Variants in CNTNAP2 observed in about 807,000 individuals in gnomAD.
CNTNAP2 encodes contactin associated protein 2, also known as contactin-associated protein-like 2.
In CNTNAP2, 98 loss-of-function variants were observed where a neutral mutation model predicts 155.2. The observed-to-expected ratio is 0.63, with a 90% CI of 0.54 to 0.75. The LOEUF (loss-of-function observed/expected upper bound fraction) is 0.75. CNTNAP2 is among the 30% of genes least tolerant of loss of function. The pLI is 0.00. For missense variants in CNTNAP2, 1,727 were observed against 1,688.1 expected (o/e 1.02, Z -0.40); for synonymous variants, 651 against 631.2 (o/e 1.03, Z -0.47).
intron 10 of CNTNAP2, among the ~76,000 whole-genome samples, chr7:147,444,243 A>G (rs1051642732): frequency 6.6e-6 from 1 of 152,232 alleles, no homozygotes; most frequent in Admixed American, 6.5e-5. Flanking sequence ...CAACAAAGAA[A>G]AACTGTGTAA....
At chr7:146,247,064 G>A (rs1329557709) in intron 1 of CNTNAP2, among the ~76,000 whole-genome samples, 14 of 152,138 alleles carry the variant, frequency 9.2e-5, no homozygotes, top group African/African-American at 2.9e-4. Flanking sequence ...ATTTAATGTC[G>A]GGAGCAGACT....
rs139884517 is a variant in CNTNAP2 at position 146,579,797 on chromosome 7, T to G, written c.98-194474T>G. On this transcript the variant is annotated intron_variant, in intron 1 of 23. Coordinates refer to ENST00000361727, the MANE Select transcript of CNTNAP2 (RefSeq NM_014141.6). ...TAAGATGTAAGTTTTGGTGCCTCAG[T>G]GTCATATAATGTAAAGGTATTTATG... 6.6e-4 allele frequency among the ~76,000 whole-genome samples: 101 copies of G among 152,250 alleles called. 2 individuals carry two copies. The East Asian group carries it at 0.018, about 27-fold the overall frequency.
intron 1 of CNTNAP2, among the ~76,000 whole-genome samples, chr7:146,346,848 G>A (rs1040247504): frequency 6.6e-6 from 1 of 152,190 alleles, no homozygotes; most frequent in African/African-American, 2.4e-5. Flanking sequence ...ATGGATGGGG[G>A]CTGCTGCTCC....
intron 4 of CNTNAP2, among the ~76,000 whole-genome samples, chr7:147,054,587 A>G (rs1240241530): frequency 2.0e-5 from 3 of 152,180 alleles, no homozygotes; most frequent in Admixed American, 6.6e-5. Flanking sequence ...CTGCAAATAT[A>G]TATAAGTGAT....
chr7:147,650,190 A>T (rs1175516146), intron 13 of CNTNAP2, among the ~76,000 whole-genome samples: 1 of 152,100 alleles, frequency 6.6e-6, no homozygotes, highest in African/African-American at 2.4e-5. Context: ...TTTTGAAAAT[A>T]CCTCCCCTAA....
chr7:147,278,980 A>C (rs1278492115), intron 8 of CNTNAP2, among the ~76,000 whole-genome samples: 2 of 151,508 alleles, frequency 1.3e-5, no homozygotes, highest in Non-Finnish European at 3.0e-5. Flanking sequence ...AATACAGAGC[A>C]TTATACATAG....
At chr7:148,069,048 G>A (rs1299224805) in intron 15 of CNTNAP2, among the ~76,000 whole-genome samples, 1 of 152,182 alleles carries the variant, frequency 6.6e-6, no homozygotes, top group Non-Finnish European at 1.5e-5. Flanking sequence ...TTATCAGGCA[G>A]TAGGCTGAAG....
At chr7:147,291,245 C>G (rs1917601) in intron 8 of CNTNAP2, among the ~76,000 whole-genome samples, 1 of 151,818 alleles carries the variant, frequency 6.6e-6, no homozygotes, top group Non-Finnish European at 1.5e-5. Flanking sequence ...GGTGGTTTGC[C>G]GCACCTATCA....
chr7:146,259,664 C>T lies in CNTNAP2; in HGVS notation c.97+142691C>T, dbSNP rs150197202. On this transcript the variant is annotated intron_variant, in intron 1 of 23. Coordinates refer to ENST00000361727, the MANE Select transcript of CNTNAP2 (RefSeq NM_014141.6). ...TTTCTAAGCAACAAAGCATTGAAGA[C>T]GTGACCTGGCTGAGTCTGAAAGCAT... Among the ~76,000 whole-genome samples, 798 of 152,222 alleles carry T rather than the reference C, an allele frequency of 5.2e-3. 9 individuals are homozygous for T. The highest frequency in any genetic ancestry group is 0.018 in the African/African-American group (766 of 41,552).
chr7:146,558,592 A>AT lies in CNTNAP2; in HGVS notation c.98-215672dup, dbSNP rs564642261. 4.7e-3 allele frequency among the ~76,000 whole-genome samples: 714 copies of AT among 152,060 alleles called. 5 individuals are homozygous for AT. The highest frequency in any genetic ancestry group is 0.016 in the African/African-American group (655 of 41,490). ...TTTTTATTTATTTATTATTATTATG[A>AT]TTTTTTTGGGGGGGAAATAAGAACA... On this transcript the variant is annotated intron_variant, in intron 1 of 23. Coordinates refer to ENST00000361727, the MANE Select transcript of CNTNAP2 (RefSeq NM_014141.6).
At chr7:146,341,453 G>A (rs571549857) in intron 1 of CNTNAP2, among the ~76,000 whole-genome samples, 1 of 152,128 alleles carries the variant, frequency 6.6e-6, no homozygotes, top group East Asian at 1.9e-4. Flanking sequence ...ACATATTTTA[G>A]CATAGATGAC....
chr7:148,046,102 G>A (rs566312732), intron 15 of CNTNAP2, among the ~76,000 whole-genome samples: 2 of 152,070 alleles, frequency 1.3e-5, no homozygotes, highest in South Asian at 4.2e-4. Context: ...TTTGTTTGAG[G>A]CAGGGTCTCA....
chr7:146,246,172 G>A (rs1413205311), intron 1 of CNTNAP2, among the ~76,000 whole-genome samples: 1 of 151,608 alleles, frequency 6.6e-6, no homozygotes, highest in Non-Finnish European at 1.5e-5. Context: ...TTAATGAGAT[G>A]GTAAGGGGTG....
At chr7:146,680,346 G>C (rs1248110899) in intron 1 of CNTNAP2, among the ~76,000 whole-genome samples, 1 of 152,150 alleles carries the variant, frequency 6.6e-6, no homozygotes, top group Admixed American at 6.5e-5. Flanking sequence ...AAAGCTAAAA[G>C]CTGAATTCTG....
At chr7:147,735,588 T>C (rs1190612179) in intron 13 of CNTNAP2, among the ~76,000 whole-genome samples, 1 of 144,494 alleles carries the variant, frequency 6.9e-6, no homozygotes, top group Admixed American at 7.0e-5. Context: ...GATAACTTTC[T>C]GTCTTGTTGA....
chr7:147,392,635 A>T (rs1398115283), intron 9 of CNTNAP2, among the ~76,000 whole-genome samples: 1 of 151,988 alleles, frequency 6.6e-6, no homozygotes, highest in Admixed American at 6.6e-5. Context: ...GAGTTACTTC[A>T]CTTAGGATAA....
rs115075396 is a variant in CNTNAP2, at chr7:147,271,664, G to A, written c.1349-28477G>A. 7.5e-3 allele frequency among the ~76,000 whole-genome samples: 1,136 copies of A among 152,216 alleles called. 16 individuals carry two copies. Among genetic ancestry groups the A allele is most frequent in the African/African-American group, 0.026 (1,075 of 41,534 alleles). On this transcript the variant is annotated intron_variant, in intron 8 of 23. Transcript: ENST00000361727. ...GGTGGCAGGGAAAGAGGGAATGAGA[G>A]CTAAGTGAAAAGAGAAACCCCTTAT...
chr7:146,801,567 A>C (rs1802878576), intron 2 of CNTNAP2, among the ~76,000 whole-genome samples: 1 of 152,220 alleles, frequency 6.6e-6, no homozygotes, highest in African/African-American at 2.4e-5. Context: ...GAGAATTTTC[A>C]GGGAAAAATA....
At chr7:146,944,568 A>T (rs749517398) in intron 3 of CNTNAP2, among the ~76,000 whole-genome samples, 1 of 152,194 alleles carries the variant, frequency 6.6e-6, no homozygotes, top group Admixed American at 6.5e-5. Context: ...TAATGTAGAT[A>T]TACATATGCA....
Sources: allele counts gnomAD v4.1 joint callset (sites outside exome capture counted in the v4.1 genomes callset), GRCh38; gene constraint gnomAD v4.1.1; transcripts MANE v1.5; gene names NCBI Gene and HGNC (gene_info 2026-07-23, HGNC 2026-07-21).